CNTNAP5: variants seen among roughly 807,000 people sequenced by gnomAD.
The protein encoded by CNTNAP5 is contactin associated protein family member 5.
CNTNAP5 carries 72 observed loss-of-function variants against 150.2 expected under a neutral mutation model. That is an observed-to-expected ratio of 0.48 (90% CI 0.40 to 0.58). CNTNAP5 has a LOEUF of 0.58. Among genes scored for constraint, CNTNAP5 ranks in the 20% least tolerant of loss-of-function variants. The probability of loss-of-function intolerance (pLI) is 0.00; values close to 1 mark genes in which losing one functional copy is unlikely to be tolerated. For missense variants in CNTNAP5, 1,636 were observed against 1,626.2 expected, an observed-to-expected ratio of 1.01 and a Z score of -0.10; for synonymous variants, 672 against 619.8, an observed-to-expected ratio of 1.08 and a Z score of -1.25.
At chr2:124,312,251 T>C (rs1009360264) in intron 3 of CNTNAP5, among the ~76,000 whole-genome samples, 2 of 152,236 alleles carry the variant, frequency 1.3e-5, no homozygotes, top group African/African-American at 4.8e-5. Flanking sequence ...GAAATAAATA[T>C]TAGGTTAGAG....
intron 13 of CNTNAP5, among the ~76,000 whole-genome samples, chr2:124,713,605 A>G (rs1289649912): frequency 6.6e-6 from 1 of 151,754 alleles, no homozygotes; most frequent in African/African-American, 2.4e-5. Flanking sequence ...TGAACTCCTG[A>G]CCTCAAGTGA....
At chr2:124,903,748 T>C (rs1029277986) in intron 22 of CNTNAP5, among the ~76,000 whole-genome samples, 2 of 152,124 alleles carry the variant, frequency 1.3e-5, no homozygotes, top group Non-Finnish European at 2.9e-5. Context: ...ATCATCATGC[T>C]GTACATTAGT....
rs1034508648 is a variant in CNTNAP5 at position 124,277,246 on chromosome 2, G to T, written c.381+34853G>T. Among the ~76,000 whole-genome samples, 6 of 152,164 alleles carry T rather than the reference G, an allele frequency of 3.9e-5. No homozygotes were observed. The East Asian group carries it at 5.8e-4, about 15-fold the overall frequency. ...CAATGCACATCGCCATGCAAGATGG[G>T]CTTGGCCTCAGCATATCCTCCTGGT... is the stretch of plus-strand genomic sequence containing the variant. On this transcript the variant is annotated intron_variant, in intron 3 of 23. Transcript: ENST00000682447.
At chr2:124,494,395 A>G (rs1055486315) in intron 7 of CNTNAP5, among the ~76,000 whole-genome samples, 1 of 152,116 alleles carries the variant, frequency 6.6e-6, no homozygotes, top group Non-Finnish European at 1.5e-5. Flanking sequence ...TCCTGCAGAT[A>G]GATGAACATG....
intron 1 of CNTNAP5, among the ~76,000 whole-genome samples, chr2:124,201,914 T>C (rs7558767): frequency 0.31 from 46,955 of 152,098 alleles, 7,399 homozygotes; most frequent in South Asian, 0.47. Flanking sequence ...TTATGGACTC[T>C]GTTCATTAGC....
At chr2:124,786,788 T>C (rs544977571) in intron 17 of CNTNAP5, among the ~76,000 whole-genome samples, 1 of 152,262 alleles carries the variant, frequency 6.6e-6, no homozygotes, top group South Asian at 2.1e-4. Context: ...AGAAGATTCA[T>C]GCCTCCAATA....
At chr2:124,639,879 G>T (rs763969928) in intron 12 of CNTNAP5, among the ~76,000 whole-genome samples, 1 of 151,846 alleles carries the variant, frequency 6.6e-6, no homozygotes, top group African/African-American at 2.4e-5. Flanking sequence ...CTTTTCCTTT[G>T]CCCCAAATGC....
At chr2:124,581,532 T>C (rs993017390) in intron 11 of CNTNAP5, among the ~76,000 whole-genome samples, 2 of 152,148 alleles carry the variant, frequency 1.3e-5, no homozygotes, top group Non-Finnish European at 2.9e-5. Context: ...CGAATATTGG[T>C]AAAGGTTAGA....
chr2:124,106,674 C>T (rs1472581835), intron 1 of CNTNAP5, among the ~76,000 whole-genome samples: 2 of 152,150 alleles, frequency 1.3e-5, no homozygotes, highest in African/African-American at 4.8e-5. Context: ...AAATCAGTTA[C>T]ATTAAGTAAA....
chr2:124,206,288 G>T (rs1181939223), intron 1 of CNTNAP5, among the ~76,000 whole-genome samples: 3 of 152,140 alleles, frequency 2.0e-5, no homozygotes, highest in Non-Finnish European at 4.4e-5. Flanking sequence ...TAATTTATGT[G>T]AATTGCCTGT....
intron 7 of CNTNAP5, among the ~76,000 whole-genome samples, chr2:124,491,762 T>G (rs1694034464): frequency 6.6e-6 from 1 of 152,052 alleles, no homozygotes; most frequent in African/African-American, 2.4e-5. Flanking sequence ...TACCTTTTTT[T>G]TTTTCTTTTG....
Position 124,135,980 on chromosome 2 carries a change from G to A in CNTNAP5, c.83-85725G>A, listed in dbSNP as rs754334018. Among the ~76,000 whole-genome samples, 35 of 152,272 alleles carry A rather than the reference G, an allele frequency of 2.3e-4. 1 individual carries two copies. Among genetic ancestry groups the A allele is most frequent in the East Asian group, 1.9e-4 (1 of 5,178 alleles). ...CTGTACAATGGAGTCTTGTGGTGGC[G>A]TTGAACCTTAAATCTAGGTGAACTG... On this transcript the variant is annotated intron_variant, in intron 1 of 23. Transcript: ENST00000682447.
At chr2:124,362,933 C>G (rs7581635) in intron 3 of CNTNAP5, among the ~76,000 whole-genome samples, 45,755 of 152,034 alleles carry the variant, frequency 0.3, 7,023 homozygotes, top group Middle Eastern at 0.37. Context: ...AGTCATTGTT[C>G]TTTAAATATT....
chr2:124,634,297 A>G (rs894933866), intron 12 of CNTNAP5, among the ~76,000 whole-genome samples: 6 of 152,166 alleles, frequency 3.9e-5, no homozygotes, highest in Non-Finnish European at 8.8e-5. Flanking sequence ...AGCAGGCCAC[A>G]TCGTGAAAGC....
intron 21 of CNTNAP5, among the ~76,000 whole-genome samples, chr2:124,897,403 T>A (rs556590038): frequency 6.6e-6 from 1 of 151,668 alleles, no homozygotes; most frequent in East Asian, 1.9e-4. Flanking sequence ...ATGTGTTTGC[T>A]AGTCATTGTA....
Position 124,162,049 on chromosome 2 carries a change from C to G in CNTNAP5, c.83-59656C>G, listed in dbSNP as rs77730287. Among the ~76,000 whole-genome samples the G allele has an allele frequency of 2.6e-5, 4 of 152,252 alleles. No homozygotes were observed. The East Asian group carries it at 5.8e-4, about 22-fold the overall frequency. On this transcript the variant is annotated intron_variant, in intron 1 of 23. Coordinates refer to ENST00000682447, the MANE Select transcript of CNTNAP5 (RefSeq NM_001367498.1). ...GGACATGATTGTGGCAAAGCTCATT[C>G]AACTTGAATCCTGTGCCACTCACTA...
rs545525980 is a variant in CNTNAP5 at position 124,500,457 on chromosome 2, G to T, written c.1063-3835G>T. 5.3e-5 allele frequency among the ~76,000 whole-genome samples: 8 copies of T among 152,264 alleles called. No homozygotes were observed. In the East Asian group the frequency reaches 1.5e-3, roughly 29 times the overall value. ...TCAGGGAATGGAAAATTACTTAGAG[G>T]TAGGGTACTTCTTTGCTAAACTAGC... On this transcript the variant is annotated intron_variant, in intron 7 of 23. Coordinates refer to ENST00000682447, the MANE Select transcript of CNTNAP5 (RefSeq NM_001367498.1).
At chr2:124,402,910 C>G (rs1330069821) in intron 3 of CNTNAP5, among the ~76,000 whole-genome samples, 1 of 152,186 alleles carries the variant, frequency 6.6e-6, no homozygotes, top group Non-Finnish European at 1.5e-5. Flanking sequence ...ATTTTCTTTT[C>G]TATAAACGCC....
At chr2:124,387,050 A>G (rs1370765069) in intron 3 of CNTNAP5, among the ~76,000 whole-genome samples, 1 of 152,240 alleles carries the variant, frequency 6.6e-6, no homozygotes, top group African/African-American at 2.4e-5. Flanking sequence ...ACCCCACCAT[A>G]TTGGCACCCT....
Sources: gnomAD v4.1 joint callset for allele counts (sites outside exome capture counted in the v4.1 genomes callset) on GRCh38, gnomAD v4.1.1 for gene constraint, MANE v1.5 for transcripts, NCBI Gene and HGNC (gene_info 2026-07-23, HGNC 2026-07-21) for gene names.